Variants in DMD observed in about 807,000 individuals in gnomAD.
DMD encodes the protein dystrophin, also known as mutant dystrophin.
DMD carries 63 observed loss-of-function variants against 330.1 expected under a neutral mutation model. That is an observed-to-expected ratio of 0.19 (90% CI 0.16 to 0.24). The LOEUF (loss-of-function observed/expected upper bound fraction) is 0.24. Ranked by LOEUF, DMD falls within the 10% of genes least tolerant of loss-of-function variation. The pLI is 1.00. For synonymous variants in DMD, 1,223 were observed against 959.8 expected (o/e 1.27, Z -5.07); for missense variants, 3,344 against 2,684.1 (o/e 1.25, Z -5.43).
chrX:31,327,920 C>T (rs2056879332), intron 61 of DMD, among the ~76,000 whole-genome samples: 1 of 112,576 alleles, frequency 8.9e-6, no homozygotes, highest in African/African-American at 3.2e-5. Context: ...TATCCATTCA[C>T]CTGTTCAAAG....
chrX:32,783,704 T>A (rs898587108), intron 7 of DMD, among the ~76,000 whole-genome samples: 1 of 111,145 alleles, frequency 9.0e-6, no homozygotes, highest in East Asian at 2.8e-4. Flanking sequence ...GATAATTTAA[T>A]GTAAACAGGA....
At chrX:31,632,748 A>G (rs1478770962) in intron 54 of DMD, among the ~76,000 whole-genome samples, 1 of 112,086 alleles carries the variant, frequency 8.9e-6, no homozygotes, top group African/African-American at 3.2e-5. Flanking sequence ...TCTGAAATTC[A>G]AATTTCCTGT....
intron 1 of DMD, among the ~76,000 whole-genome samples, chrX:33,037,324 A>G (rs1355892159): frequency 9.2e-5 from 10 of 108,422 alleles, no homozygotes; most frequent in African/African-American, 2.7e-4. Context: ...TATATCTGCA[A>G]ACTCAAGGGA....
chrX:32,077,539 A>C (rs1176016930), intron 44 of DMD, among the ~76,000 whole-genome samples: 4 of 111,621 alleles, frequency 3.6e-5, no homozygotes, highest in African/African-American at 1.3e-4. Context: ...CCTTGCTAAC[A>C]CTTAAATCCC....
At chrX:31,345,187 C>T (rs992650672) in intron 61 of DMD, among the ~76,000 whole-genome samples, 2 of 111,910 alleles carry the variant, frequency 1.8e-5, no homozygotes, top group African/African-American at 3.3e-5. Context: ...TGATGACTTC[C>T]GGGGCTGGCT....
intron 13 of DMD, among the ~76,000 whole-genome samples, chrX:32,579,435 T>C (rs1190974550): frequency 8.9e-6 from 1 of 111,764 alleles, no homozygotes; most frequent in Non-Finnish European, 1.9e-5. Context: ...CAGTACTGAG[T>C]GTCTGGGATT....
rs745459669 is a variant in DMD at position 32,126,165 on chromosome X, G to A, written c.6438+90751C>T. 5.3e-5 allele frequency among the ~76,000 whole-genome samples: 6 copies of A among 112,451 alleles called. No homozygotes were observed. In the East Asian group the frequency reaches 1.4e-3, roughly 26 times the overall value. Reference sequence around the variant, plus strand: ...GAAACTGACCCTCTCGAACTCAACAGAAGCTGTAGACCACATTGGTACATG... The same window carrying A: ...GAAACTGACCCTCTCGAACTCAACAAAAGCTGTAGACCACATTGGTACATG... On this transcript the variant is annotated intron_variant, in intron 44 of 78. Coordinates refer to ENST00000357033, the MANE Select transcript of DMD (RefSeq NM_004006.3).
At chrX:33,316,846 C>A (rs982530120) in intron 1 of DMD, among the ~76,000 whole-genome samples, 4 of 110,803 alleles carry the variant, frequency 3.6e-5, no homozygotes, top group Non-Finnish European at 5.7e-5. Context: ...GTCTTCCAAT[C>A]CATGAATGCA....
intron 44 of DMD, among the ~76,000 whole-genome samples, chrX:32,084,715 C>T (rs1304412438): frequency 9.0e-6 from 1 of 111,461 alleles, no homozygotes; most frequent in East Asian, 2.8e-4. Context: ...ACTGCCGACT[C>T]TAACTTAAGC....
At chrX:32,877,692 T>C (rs968046929) in intron 2 of DMD, among the ~76,000 whole-genome samples, 4 of 112,216 alleles carry the variant, frequency 3.6e-5, no homozygotes, top group Non-Finnish European at 7.5e-5. Flanking sequence ...CTAGTAAAGC[T>C]GCTTTGCCAA....
At chrX:32,250,182 C>T (rs912391103) in intron 43 of DMD, among the ~76,000 whole-genome samples, 1 of 109,971 alleles carries the variant, frequency 9.1e-6, no homozygotes, top group African/African-American at 3.3e-5. Context: ...TTACTGATTG[C>T]GGAGTGTTTT....
rs1205011275 is a variant in DMD, at chrX:32,842,649, C to T, written c.264+2134G>A. On this transcript the variant is annotated intron_variant, in intron 4 of 78. Coordinates refer to ENST00000357033, the MANE Select transcript of DMD (RefSeq NM_004006.3). ...GTTCGTGTGCATTCAGTGTTTAGCT[C>T]GTACTTATTGAGAATATGTGTTATT... Among the ~76,000 whole-genome samples, 4 of 111,026 alleles carry T rather than the reference C, an allele frequency of 3.6e-5. No homozygotes were observed. The East Asian group carries it at 8.5e-4, about 24-fold the overall frequency.
chrX:31,476,418 TATACACACAC>T (rs2067781445), intron 59 of DMD, among the ~76,000 whole-genome samples: 1 of 96,544 alleles, frequency 1.0e-5, no homozygotes, highest in African/African-American at 3.9e-5. Context: ...TATATATATA[TATACACACAC>T]ACACACACAT....
intron 44 of DMD, among the ~76,000 whole-genome samples, chrX:32,019,665 C>T (rs1482688660): frequency 6.3e-5 from 7 of 111,940 alleles, no homozygotes; most frequent in African/African-American, 9.7e-5. Context: ...AACTTCCTTA[C>T]GTATGCTGTA....
At chrX:32,218,605 G>T (rs747246851) in intron 43 of DMD, among the ~76,000 whole-genome samples, 1 of 112,129 alleles carries the variant, frequency 8.9e-6, no homozygotes, top group African/African-American at 3.2e-5. Flanking sequence ...GATGTCCTGG[G>T]CAGAGAAAGG....
At chrX:32,183,867 G>A (rs2096936401) in intron 44 of DMD, among the ~76,000 whole-genome samples, 1 of 109,595 alleles carries the variant, frequency 9.1e-6, no homozygotes, top group African/African-American at 3.3e-5. Flanking sequence ...AGTAGCATCA[G>A]GCTGTTGGAA....
At chrX:33,304,028 T>C (rs1271451358) in intron 1 of DMD, among the ~76,000 whole-genome samples, 1 of 111,633 alleles carries the variant, frequency 9.0e-6, no homozygotes, top group East Asian at 2.8e-4. Context: ...TAAATATGAA[T>C]TAATTCCTTT....
At chrX:31,122,064 A>C in intron 78 of DMD, 134 bp from the exon 79 acceptor site, 1 of 528,513 alleles carries the variant, frequency 1.9e-6, no homozygotes, top group Middle Eastern at 3.3e-4. Flanking sequence ...TCGAGGGTGT[A>C]CACAACAAGG....
At chrX:33,020,077 A>G in intron 2 of DMD, 62 bp downstream of exon 2, 3 of 904,375 alleles carry the variant, frequency 3.3e-6, no homozygotes, top group Non-Finnish European at 3.2e-6. Flanking sequence ...ACACAGGTAC[A>G]TAGTCCATTT....
Sources: gnomAD v4.1 joint callset for allele counts (sites outside exome capture counted in the v4.1 genomes callset) on GRCh38, gnomAD v4.1.1 for gene constraint, MANE v1.5 for transcripts, NCBI Gene and HGNC (gene_info 2026-07-23, HGNC 2026-07-21) for gene names.